The following ADAMTS2 variants were observed in gnomAD, a reference collection of about 807,000 sequenced individuals.
ADAMTS2 encodes A disintegrin and metalloproteinase with thrombospondin motifs 2.
A neutral mutation model predicts 123.0 loss-of-function variants in ADAMTS2; 50 were observed. The ratio of observed to expected loss-of-function variants is 0.41; its 90% CI spans 0.32 to 0.51. The LOEUF (loss-of-function observed/expected upper bound fraction) is 0.51. Ranked by LOEUF, ADAMTS2 falls within the 20% of genes least tolerant of loss-of-function variation. The probability of loss-of-function intolerance (pLI) is 0.35; values close to 1 mark genes in which losing one functional copy is unlikely to be tolerated. For synonymous variants in ADAMTS2, 678 were observed against 695.4 expected (o/e 0.98, Z 0.39); for missense variants, 1,494 against 1,705.2 (o/e 0.88, Z 2.18).
intron 3 of ADAMTS2, among the ~76,000 whole-genome samples, chr5:179,245,622 C>T (rs1442917713): frequency 6.7e-5 from 10 of 149,812 alleles, no homozygotes; most frequent in Admixed American, 2.6e-4. Context: ...AAAAATTAGC[C>T]GGGCGTGGTA....
intron 3 of ADAMTS2, among the ~76,000 whole-genome samples, chr5:179,270,522 C>CAA (rs1409690311): frequency 6.6e-6 from 1 of 152,078 alleles, no homozygotes; most frequent in Admixed American, 6.5e-5. Context: ...CCTATACACA[C>CAA]ACACACATAC....
intron 21 of ADAMTS2, among the ~76,000 whole-genome samples, chr5:179,114,573 C>T (rs562613854): frequency 6.6e-6 from 1 of 152,214 alleles, no homozygotes; most frequent in East Asian, 1.9e-4. Context: ...CCAAGCAGGC[C>T]CCAGTTGAAC....
intron 3 of ADAMTS2, among the ~76,000 whole-genome samples, chr5:179,215,757 T>A (rs747786763): frequency 5.3e-5 from 8 of 151,654 alleles, no homozygotes; most frequent in Non-Finnish European, 8.8e-5. Flanking sequence ...TTCTACAAAG[T>A]CTCCCGGAGA....
Position 179,122,627 on chromosome 5 carries a change from G to GGCAGGC in ADAMTS2, c.3088+16_3088+17insGCCTGC, listed in dbSNP as rs1253392876. 1.9e-6 allele frequency: 3 copies of GGCAGGC among 1,549,266 alleles called. No homozygotes were observed. Among genetic ancestry groups the GGCAGGC allele is most frequent in the Non-Finnish European group, 2.6e-6 (3 of 1,146,660 alleles). ...GCTGCATGCTGGGAGCAGGGGCAGG[G>GGCAGGC]GCTGCAGGTGGCTTACGGGGACAGG... On this transcript the variant is annotated intron_variant, in intron 20 of 21. Transcript: ENST00000251582.
chr5:179,262,585 G>T lies in ADAMTS2; in HGVS notation c.688+10326C>A, dbSNP rs928175812. Reference sequence around the variant, plus strand: ...CTTCCTTCTGCCCCTTGGTCACGCTGCGGTAACTCCAGCCTCAGGGCTCCT... The same window carrying T: ...CTTCCTTCTGCCCCTTGGTCACGCTTCGGTAACTCCAGCCTCAGGGCTCCT... On this transcript the variant is annotated intron_variant, in intron 3 of 21. Transcript: ENST00000251582. This position sits in a 1 kb window ranked among gnomAD's most constrained non-coding sequence, Gnocchi z 5.9. Among the ~76,000 whole-genome samples the T allele has an allele frequency of 6.6e-6, 1 of 152,106 alleles. No individual in the cohort carries two copies. Among genetic ancestry groups the T allele is most frequent in the Admixed American group, 6.5e-5 (1 of 15,268 alleles).
At chr5:179,297,234 G>T (rs1756365048) in intron 2 of ADAMTS2, among the ~76,000 whole-genome samples, 1 of 152,172 alleles carries the variant, frequency 6.6e-6, no homozygotes, top group African/African-American at 2.4e-5. Flanking sequence ...AAATGGGCCG[G>T]ATTGATTTCT....
rs1168237478 is a variant in ADAMTS2, at chr5:179,272,590, CACTT to C, written c.688+317_688+320del. ...CGGGGGCCCCCGCCCCGCTCCACGA[CACTT>C]GCTTGCCTTTAGGCAACAGAAGATG... On this transcript the variant is annotated intron_variant, in intron 3 of 21. Transcript: ENST00000251582. The surrounding 1 kb of genome is among the most constrained non-coding windows in gnomAD (Gnocchi z 5.8). 1.3e-5 allele frequency among the ~76,000 whole-genome samples: 2 copies of C among 152,160 alleles called. No homozygotes were observed. Among genetic ancestry groups the C allele is most frequent in the East Asian group, 1.9e-4 (1 of 5,166 alleles).
chr5:179,331,582 G>A (rs1757477933), intron 2 of ADAMTS2, among the ~76,000 whole-genome samples: 1 of 58,316 alleles, frequency 1.7e-5, no homozygotes, highest in African/African-American at 6.9e-5. Flanking sequence ...GGAAGGGAGG[G>A]AGAGGAGGGG....
intron 3 of ADAMTS2, among the ~76,000 whole-genome samples, chr5:179,258,496 C>T (rs1169389234): frequency 1.3e-5 from 2 of 152,150 alleles, no homozygotes; most frequent in African/African-American, 4.8e-5. Flanking sequence ...GCTCCTGCCA[C>T]GTGAATTGTC....
chr5:179,136,671 CAAA>C (rs34900361), intron 12 of ADAMTS2, among the ~76,000 whole-genome samples: 5 of 59,066 alleles, frequency 8.5e-5, no homozygotes, highest in Admixed American at 2.1e-4. Flanking sequence ...GACTCCATCT[CAAA>C]AAAAAAAAAA....
At chr5:179,337,004 G>C (rs553517068) in intron 2 of ADAMTS2, among the ~76,000 whole-genome samples, 1 of 152,198 alleles carries the variant, frequency 6.6e-6, no homozygotes, top group Non-Finnish European at 1.5e-5. Context: ...TGCAGCCCTG[G>C]AGTCGTCGTG....
At chr5:179,164,691 G>A (rs898722269) in intron 5 of ADAMTS2, among the ~76,000 whole-genome samples, 2 of 152,322 alleles carry the variant, frequency 1.3e-5, no homozygotes, top group Middle Eastern at 3.4e-3. Flanking sequence ...ACTTCTGGGG[G>A]TGCAGCCCTT....
chr5:179,251,199 C>A (rs1765915267), intron 3 of ADAMTS2, among the ~76,000 whole-genome samples: 1 of 152,090 alleles, frequency 6.6e-6, no homozygotes, highest in South Asian at 2.1e-4. Flanking sequence ...TTCTTTCCAC[C>A]CATGCCCTTG....
chr5:179,321,924 T>C (rs1456472994), intron 2 of ADAMTS2, among the ~76,000 whole-genome samples: 1 of 152,210 alleles, frequency 6.6e-6, no homozygotes, highest in Non-Finnish European at 1.5e-5. Flanking sequence ...GAGTAGATTA[T>C]GCTGCCTCTA....
At chr5:179,330,627 C>A (rs1209156770) in intron 2 of ADAMTS2, among the ~76,000 whole-genome samples, 6 of 152,240 alleles carry the variant, frequency 3.9e-5, no homozygotes, top group Non-Finnish European at 8.8e-5. Context: ...CAGCGCTGCG[C>A]ACCCTCCAAC....
chr5:179,311,281 C>G (rs1756826772), intron 2 of ADAMTS2, among the ~76,000 whole-genome samples: 1 of 152,188 alleles, frequency 6.6e-6, no homozygotes, highest in Admixed American at 6.5e-5. Context: ...GGAAGGGCCT[C>G]GTCCAGCTCT....
intron 2 of ADAMTS2, among the ~76,000 whole-genome samples, chr5:179,338,138 C>T (rs899245762): frequency 2.0e-5 from 3 of 152,204 alleles, no homozygotes; most frequent in South Asian, 4.1e-4. Flanking sequence ...GCAGCTCTCT[C>T]AGGGAGAGCT....
intron 3 of ADAMTS2, among the ~76,000 whole-genome samples, chr5:179,236,644 A>T (rs1455083656): frequency 1.3e-5 from 2 of 152,170 alleles, no homozygotes; most frequent in East Asian, 3.8e-4. Flanking sequence ...AAAAAAAATT[A>T]GCCAAACGTA....
rs527779781 is a variant in ADAMTS2 at position 179,189,395 on chromosome 5, T to G, written c.892-8240A>C. Among the ~76,000 whole-genome samples the G allele has an allele frequency of 6.6e-6, 1 of 151,546 alleles. No individual in the cohort carries two copies. The highest frequency in any genetic ancestry group is 2.1e-4 in the South Asian group (1 of 4,792). ...CGGAGTCTCTCTCTGTTGCCCAGGT[T>G]GGAGTGCAGTGGCATGATCTCAGCT... On this transcript the variant is annotated intron_variant, in intron 4 of 21. Transcript: ENST00000251582. This position sits in a 1 kb window ranked among gnomAD's most constrained non-coding sequence, Gnocchi z 4.2.
Sources: allele counts gnomAD v4.1 joint callset (sites outside exome capture counted in the v4.1 genomes callset), GRCh38; gene constraint gnomAD v4.1.1; non-coding constraint Gnocchi (gnomAD v3.1); transcripts MANE v1.5; gene names NCBI Gene and HGNC (gene_info 2026-07-23, HGNC 2026-07-21).